USH1C: variants seen among roughly 807,000 people sequenced by gnomAD.
USH1C encodes harmonin.
A neutral mutation model predicts 119.3 loss-of-function variants in USH1C; 90 were observed. That is an observed-to-expected ratio of 0.75 (90% CI 0.64 to 0.90). The LOEUF is 0.90. Among genes scored for constraint, USH1C ranks in the 40% least tolerant of loss-of-function variants. The pLI, the probability that USH1C is intolerant of heterozygous loss-of-function variation, is 0.00. For synonymous variants in USH1C, 465 were observed against 443.3 expected (o/e 1.05, Z -0.62); for missense variants, 1,165 against 1,167.7 (o/e 1.00, Z 0.03).
At chr11:17,496,929 T>G in intron 24 of USH1C, 116 bp from the exon 25 acceptor site, 1 of 1,239,326 alleles carries the variant, frequency 8.1e-7, no homozygotes, top group Non-Finnish European at 1.1e-6. Context: ...CTGCACCTTC[T>G]TCCCACGGGC....
At chr11:17,532,241 C>T (rs980634436) in intron 2 of USH1C, among the ~76,000 whole-genome samples, 1 of 152,204 alleles carries the variant, frequency 6.6e-6, no homozygotes, top group Non-Finnish European at 1.5e-5. Context: ...TTGGCTGATG[C>T]TGATCCCTCA....
intron 26 of USH1C, chr11:17,495,047 C>A (rs890342402): frequency 4.6e-6 from 1 of 218,232 alleles, no homozygotes; most frequent in African/African-American, 2.3e-5. Context: ...TTTGGACCAG[C>A]CTTCAAAACC....
rs1849776000 is a variant in USH1C, at chr11:17,509,508, G to C, written c.1861C>G (p.Pro621Ala). The C allele has an allele frequency of 6.2e-7, 1 of 1,613,014 alleles. No homozygotes were observed. The highest frequency in any genetic ancestry group is 1.7e-5 in the Admixed American group (1 of 59,944). ...GCTTCTTCCAGCGCCGAGGGCAGTG[G>C]GCGGGTGGGAGTGAGGTCTTGGGTG... ...VPTQDLTPTRPLPSALEEALS... is the reference protein window; with the variant it reads ...VPTQDLTPTRALPSALEEALS... The change falls in exon 18 of 27, where the codon CCA becomes GCA. Residue 621 changes from proline (P) to alanine (A), a missense_variant. Pro to Ala is a conservative substitution (Grantham distance 27). Transcript: ENST00000005226.
At chr11:17,518,002 C>T (rs1850232749) in intron 14 of USH1C, among the ~76,000 whole-genome samples, 2 of 152,194 alleles carry the variant, frequency 1.3e-5, no homozygotes, top group Admixed American at 1.3e-4. Flanking sequence ...TTAGGAAGAC[C>T]TGAATTTTGA....
intron 23 of USH1C, among the ~76,000 whole-genome samples, chr11:17,499,788 G>A (rs1849369357): frequency 6.6e-6 from 1 of 152,232 alleles, no homozygotes; most frequent in Non-Finnish European, 1.5e-5. Context: ...GTAACCCACA[G>A]AGGTCTGGTT....
At chr11:17,516,120 C>G in intron 15 of USH1C, 121 bp downstream of exon 15, 1 of 1,121,492 alleles carries the variant, frequency 8.9e-7, no homozygotes, top group African/African-American at 1.5e-5. Context: ...TGGAGTTAGC[C>G]TTCCAAGTGA....
chr11:17,496,835 C>A, intron 24 of USH1C, 22 bp from the exon 25 acceptor site: 2 of 1,614,054 alleles, frequency 1.2e-6, no homozygotes, highest in Non-Finnish European at 1.7e-6. Flanking sequence ...AGCCGTGTGA[C>A]TCTGGGGCAC....
chr11:17,499,884 A>G (rs1308957237), intron 23 of USH1C, among the ~76,000 whole-genome samples: 1 of 152,180 alleles, frequency 6.6e-6, no homozygotes, highest in African/African-American at 2.4e-5. Context: ...CTTATGGTAC[A>G]GCCTGGCTCC....
At chr11:17,518,362 TG>T (rs1411856510) in intron 14 of USH1C, among the ~76,000 whole-genome samples, 1 of 152,192 alleles carries the variant, frequency 6.6e-6, no homozygotes, top group South Asian at 2.1e-4. Context: ...GGGAGATAGT[TG>T]ATGGGGCCTT....
intron 23 of USH1C, among the ~76,000 whole-genome samples, chr11:17,499,474 A>T (rs1849359139): frequency 6.6e-6 from 1 of 152,224 alleles, no homozygotes; most frequent in Non-Finnish European, 1.5e-5. Context: ...AGGGGCAATA[A>T]GGCAGTGGTT....
rs962615982 is a variant in USH1C at position 17,509,730 on chromosome 11, G to A, written c.1639C>T (p.Pro547Ser). ...HLHTTDLDDI[P>S]LDMFYYPPKT... is the part of the protein sequence containing the mutation. Reference sequence around the variant, plus strand: ...GGGGGATAGTAGAACATGTCCAAAGGGATGTCGTCCAGGTCAGTGGTGTGC... The same window carrying A: ...GGGGGATAGTAGAACATGTCCAAAGAGATGTCGTCCAGGTCAGTGGTGTGC... Residue 547 changes from proline to serine, a missense_variant, in exon 18 of 27, where the codon CCT (proline) becomes TCT (serine). By Grantham distance (74) the Pro-to-Ser change is moderately conservative. Coordinates refer to ENST00000005226, the MANE Select transcript of USH1C (RefSeq NM_153676.4). 2 of 1,602,072 alleles carry A rather than the reference G, an allele frequency of 1.2e-6. No individual in the cohort carries two copies. Among genetic ancestry groups the A allele is most frequent in the Non-Finnish European group, 1.7e-6 (2 of 1,179,742 alleles).
intron 8 of USH1C, 123 bp downstream of exon 8, chr11:17,526,224 A>T: frequency 1.3e-6 from 1 of 797,258 alleles, no homozygotes; most frequent in Non-Finnish European, 2.1e-6. Context: ...ATCATCACCC[A>T]TGGACAGTCA....
At chr11:17,494,403 T>C in intron 26 of USH1C, 27 bp from the exon 27 acceptor site, 1 of 1,583,684 alleles carries the variant, frequency 6.3e-7, no homozygotes, top group Non-Finnish European at 8.6e-7. Flanking sequence ...ACAGCCCAGG[T>C]GGATACAGGC....
At chr11:17,508,764 G>A (rs1219218728) in intron 18 of USH1C, among the ~76,000 whole-genome samples, 1 of 151,952 alleles carries the variant, frequency 6.6e-6, no homozygotes, top group African/African-American at 2.4e-5. Context: ...TTTTTCTATA[G>A]CTGGAAATTG....
At position 17,509,565 on chromosome 11, in the gene USH1C, G is replaced by T; in HGVS notation, c.1804C>A (p.Pro602Thr). 1 of 1,598,126 alleles carries T rather than the reference G, an allele frequency of 6.3e-7. No individual in the cohort carries two copies. Among genetic ancestry groups the T allele is most frequent in the Non-Finnish European group, 8.5e-7 (1 of 1,171,732 alleles). The change falls in exon 18 of 27, where the codon CCC (proline) becomes ACC (threonine). Residue 602 changes from proline (P) to threonine (T), a missense_variant. Physicochemically the swap from Pro to Thr is conservative, Grantham distance 38. Coordinates refer to ENST00000005226, the MANE Select transcript of USH1C (RefSeq NM_153676.4). ...GATGGCGGGGGAGGGATGGGAATGG[G>T]GGGTGGAGTGCGCTGCACCCATGGA... The part of the protein sequence containing the change: ...SSPWVQRTPP[P>T]IPIPPPPSVP...
In USH1C at chr11:17,508,908, T is replaced by G. The variant is rs1189439821; in HGVS notation, c.2013+448A>C. ...TCATTTACAGAGCCAAATACGCCCC[T>G]GCTTCCTCCTCCCCTCCCTTTTTTT... On this transcript the variant is annotated intron_variant, in intron 18 of 26. Coordinates refer to ENST00000005226, the MANE Select transcript of USH1C (RefSeq NM_153676.4). 2.6e-5 allele frequency among the ~76,000 whole-genome samples: 4 copies of G among 152,208 alleles called. 1 individual carries two copies. Among genetic ancestry groups the G allele is most frequent in the African/African-American group, 9.6e-5 (4 of 41,464 alleles).
At chr11:17,535,875 G>A (rs939955902) in intron 1 of USH1C, among the ~76,000 whole-genome samples, 2 of 152,210 alleles carry the variant, frequency 1.3e-5, no homozygotes, top group Non-Finnish European at 2.9e-5. Flanking sequence ...AATAAGCAGA[G>A]CTAGGATATG....
rs1326401683 is a variant in USH1C at position 17,519,337 on chromosome 11, G to A, written c.1210+1533C>T. ...CGGGCAGGCGGGGGTCATCCATCCTGTGCTTTGTGGAGCTGCCTAAGATCA... is the reference window on the plus strand; with the variant it reads ...CGGGCAGGCGGGGGTCATCCATCCTATGCTTTGTGGAGCTGCCTAAGATCA... On this transcript the variant is annotated intron_variant, in intron 14 of 26. Coordinates refer to ENST00000005226, the MANE Select transcript of USH1C (RefSeq NM_153676.4). 2.0e-5 allele frequency among the ~76,000 whole-genome samples: 3 copies of A among 152,220 alleles called. No individual in the cohort carries two copies. In the East Asian group the frequency reaches 5.8e-4, roughly 29 times the overall value.
chr11:17,527,915 G>C (rs111707101), intron 4 of USH1C, among the ~76,000 whole-genome samples: 148 of 152,070 alleles, frequency 9.7e-4, no homozygotes, highest in African/African-American at 3.4e-3. Flanking sequence ...ACTCTGCTGT[G>C]GCCCTGACCT....
Sources: gnomAD v4.1 joint callset for allele counts (sites outside exome capture counted in the v4.1 genomes callset) on GRCh38, gnomAD v4.1.1 for gene constraint, MANE v1.5 for transcripts, NCBI Gene and HGNC (gene_info 2026-07-23, HGNC 2026-07-21) for gene names.